Variants in EPB41L4A observed in about 807,000 individuals in gnomAD.
EPB41L4A encodes erythrocyte membrane protein band 4.1 like 4A.
Under a neutral mutation model 108.6 loss-of-function variants are expected in EPB41L4A, and 100 were observed. The observed-to-expected ratio is 0.92, with a 90% CI of 0.78 to 1.09. The LOEUF is 1.09. EPB41L4A is among the 50% of genes least tolerant of loss of function. EPB41L4A has a pLI of 0.00. For synonymous variants in EPB41L4A, 319 were observed against 289.0 expected (o/e 1.10, Z -1.05); for missense variants, 1,030 against 842.7 (o/e 1.22, Z -2.75).
intron 1 of EPB41L4A, among the ~76,000 whole-genome samples, chr5:112,410,679 C>T (rs552809603): frequency 3.1e-4 from 47 of 152,170 alleles, no homozygotes; most frequent in African/African-American, 1.0e-3. Flanking sequence ...CCCACTCCCA[C>T]CCAGCTTCAG....
chr5:112,243,980 C>A (rs1450055674), intron 9 of EPB41L4A, among the ~76,000 whole-genome samples: 4 of 152,144 alleles, frequency 2.6e-5, no homozygotes. Flanking sequence ...AGAATTTTTT[C>A]TTTGCATTCA....
In EPB41L4A at chr5:112,280,411, C is replaced by T. The variant is rs770409706; in HGVS notation, c.205-88G>A. On this transcript the variant is annotated intron_variant, in intron 2 of 22. Coordinates refer to ENST00000261486, the MANE Select transcript of EPB41L4A (RefSeq NM_022140.5). ...GAATATTTGCAAAATGTTATTTAAA[C>T]AACATTTTAAAACTTGGTCAGTTAA... 2.4e-6 allele frequency: 3 copies of T among 1,238,170 alleles called. No homozygotes were observed. In the African/African-American group the frequency reaches 4.5e-5, roughly 18 times the overall value. 76.7% of individuals were successfully genotyped at this position (1,238,170 alleles called of 1,614,324 possible).
At chr5:112,351,933 G>C (rs966713761) in intron 1 of EPB41L4A, among the ~76,000 whole-genome samples, 1 of 152,120 alleles carries the variant, frequency 6.6e-6, no homozygotes, top group Non-Finnish European at 1.5e-5. Flanking sequence ...GAAAGCATTT[G>C]ATAAAATGTA....
intron 3 of EPB41L4A, among the ~76,000 whole-genome samples, chr5:112,278,932 G>A (rs886202561): frequency 7.3e-5 from 11 of 151,524 alleles, no homozygotes; most frequent in African/African-American, 2.7e-4. Context: ...GGGCATGGTG[G>A]TGGGCGCTTG....
At chr5:112,400,267 C>T (rs750663036) in intron 1 of EPB41L4A, among the ~76,000 whole-genome samples, 41 of 151,912 alleles carry the variant, frequency 2.7e-4, no homozygotes, top group Non-Finnish European at 5.6e-4. Flanking sequence ...GAACAGCATG[C>T]GGAAAACCGC....
intron 12 of EPB41L4A, among the ~76,000 whole-genome samples, chr5:112,230,976 C>A (rs553540877): frequency 2.0e-5 from 3 of 152,254 alleles, no homozygotes; most frequent in Admixed American, 1.3e-4. Flanking sequence ...AAGGTGGTCT[C>A]AGCAAAGTCT....
rs1354431306 is a variant in EPB41L4A, at chr5:112,275,418, T to C, written c.257-14A>G. On this transcript the variant is annotated splice_polypyrimidine_tract_variant and intron_variant, in intron 3 of 22. Transcript: ENST00000261486. ...ATGGAGGTCCAGCTAAAATAAGAAATAGAAATTAAATTTCACTAAAATCAT... is the reference window on the plus strand; with the variant it reads ...ATGGAGGTCCAGCTAAAATAAGAAACAGAAATTAAATTTCACTAAAATCAT... The C allele has an allele frequency of 2.0e-6, 3 of 1,523,816 alleles. No homozygotes were observed. The highest frequency in any genetic ancestry group is 1.4e-5 in the African/African-American group (1 of 71,886). The allele number at this position is 1,523,816 out of a possible 1,614,324, so 94.4% of individuals were successfully genotyped here.
At chr5:112,168,694 A>ATTGTCATCAATAC (rs756624587) in intron 22 of EPB41L4A, 45 bp downstream of exon 22, 1 of 1,506,066 alleles carries the variant, frequency 6.6e-7, no homozygotes, top group South Asian at 1.1e-5. Context: ...GCTTCTCAAA[A>ATTGTCATCAATAC]TTGTCATCAA....
chr5:112,266,118 C>CT (rs1012860976), intron 5 of EPB41L4A, 115 bp downstream of exon 5: 117 of 749,668 alleles, frequency 1.6e-4, no homozygotes, highest in Admixed American at 2.6e-4. Flanking sequence ...AATTCAATTT[C>CT]TTTTTTTTGC....
chr5:112,205,733 A>G lies in EPB41L4A; in HGVS notation c.1179-229T>C, dbSNP rs540996228. Among the ~76,000 whole-genome samples, 6 of 152,270 alleles carry G rather than the reference A, an allele frequency of 3.9e-5. No individual in the cohort carries two copies. The East Asian group carries it at 9.7e-4, about 24-fold the overall frequency. ...TCTTTCTTTCTAGTTTTACTGCTTTAGTCAACAGATGCCAGGTCCATCAAT... is the reference window on the plus strand; with the variant it reads ...TCTTTCTTTCTAGTTTTACTGCTTTGGTCAACAGATGCCAGGTCCATCAAT... On this transcript the variant is annotated intron_variant, in intron 13 of 22. Coordinates refer to ENST00000261486, the MANE Select transcript of EPB41L4A (RefSeq NM_022140.5).
At chr5:112,266,080 A>G (rs1037472541) in intron 5 of EPB41L4A, among the ~76,000 whole-genome samples, 153 bp downstream of exon 5, 2 of 152,214 alleles carry the variant, frequency 1.3e-5, no homozygotes, top group Non-Finnish European at 2.9e-5. Flanking sequence ...TTCCGAAGGA[A>G]CACTGAACAA....
downstream of EPB41L4A, chr5:112,161,399 A>G (rs1229855798): frequency 7.0e-6 from 3 of 431,274 alleles, no homozygotes; most frequent in African/African-American, 2.1e-5. Flanking sequence ...TTTCTCTGAA[A>G]TGTATTGTCC....
chr5:112,259,397 A>G lies in EPB41L4A; in HGVS notation c.732-105T>C. ...AAGACTGGTGAATACTGGCTCCTTT[A>G]TATACTGCTCCATACCCAGTACATA... On this transcript the variant is annotated intron_variant, in intron 8 of 22. Transcript: ENST00000261486. The G allele has an allele frequency of 5.8e-6, 5 of 865,910 alleles. No homozygotes were observed. The South Asian group carries it at 6.9e-5, about 12-fold the overall frequency. 53.6% of individuals were successfully genotyped at this position (865,910 alleles called of 1,614,324 possible). A position where few individuals can be genotyped will look rare whatever the true frequency, so the allele number is the denominator to read the frequency against.
At chr5:112,288,230 G>C (rs774198487) in intron 2 of EPB41L4A, among the ~76,000 whole-genome samples, 1 of 152,174 alleles carries the variant, frequency 6.6e-6, no homozygotes, top group Admixed American at 6.5e-5. Context: ...GGGAATCTAA[G>C]GTACAGAAGA....
intron 18 of EPB41L4A, among the ~76,000 whole-genome samples, chr5:112,177,581 C>T (rs1760933298): frequency 6.6e-6 from 1 of 152,176 alleles, no homozygotes; most frequent in Admixed American, 6.5e-5. Context: ...TTTTCCTCCT[C>T]TTAATTTCTT....
intron 17 of EPB41L4A, among the ~76,000 whole-genome samples, chr5:112,193,584 AGCCACCGCACCTG>A (rs1402815148): frequency 6.6e-6 from 1 of 152,222 alleles, no homozygotes. Context: ...TACAGGCGTG[AGCCACCGCACCTG>A]GCCTTCCTCA....
chr5:112,215,579 T>C (rs1054794593), intron 12 of EPB41L4A, among the ~76,000 whole-genome samples: 29 of 151,800 alleles, frequency 1.9e-4, no homozygotes, highest in Non-Finnish European at 2.8e-4. Flanking sequence ...TGGTTAACAA[T>C]GGTGAAACCC....
intron 22 of EPB41L4A, among the ~76,000 whole-genome samples, chr5:112,167,096 T>C (rs894497898): frequency 7.1e-6 from 1 of 140,902 alleles, no homozygotes; most frequent in Non-Finnish European, 1.5e-5. Context: ...AATTACTACT[T>C]GTATTGAAAC....
chr5:112,153,566 C>CATAT (rs145070214), intron 12 of EPB41L4A, among the ~76,000 whole-genome samples: 9,448 of 144,798 alleles, frequency 0.065, 366 homozygotes, highest in Middle Eastern at 0.088. Flanking sequence ...AAAAAATATA[C>CATAT]ATATATATAT....
Sources: allele counts gnomAD v4.1 joint callset (sites outside exome capture counted in the v4.1 genomes callset), GRCh38; gene constraint gnomAD v4.1.1; transcripts MANE v1.5; gene names NCBI Gene and HGNC (gene_info 2026-07-23, HGNC 2026-07-21).